The following RGS6 variants were observed in gnomAD, a reference collection of about 807,000 sequenced individuals.
RGS6 encodes the protein regulator of G protein signaling 6.
RGS6 carries 30 observed loss-of-function variants against 78.5 expected under a neutral mutation model. The observed-to-expected ratio is 0.38, with a 90% confidence interval of 0.29 to 0.52. The LOEUF is 0.52. RGS6 is among the 20% of genes least tolerant of loss of function. The probability of loss-of-function intolerance (pLI) is 0.85; values close to 1 mark genes in which losing one functional copy is unlikely to be tolerated. For synonymous variants in RGS6, 206 were observed against 206.0 expected, an observed-to-expected ratio of 1.00 and a Z score of 0.00; for missense variants, 495 against 609.7, an observed-to-expected ratio of 0.81 and a Z score of 1.98.
chr14:72,529,770 T>C (rs530938185), intron 15 of RGS6, among the ~76,000 whole-genome samples: 10 of 152,226 alleles, frequency 6.6e-5, no homozygotes, highest in Non-Finnish European at 1.3e-4. Flanking sequence ...TGTAGCAGGA[T>C]AGGTCATCCC....
Position 72,547,112 on chromosome 14 carries a change from G to C in RGS6, c.1422+7018G>C, listed in dbSNP as rs111781465. On this transcript the variant is annotated intron_variant, in intron 17 of 17. Transcript: ENST00000553525. ...CAGGGCCCCCCGCAGGATAAACAGCGGGAAGGCCGACCACTCAGAAGACAG... is the reference window on the plus strand; with the variant it reads ...CAGGGCCCCCCGCAGGATAAACAGCCGGAAGGCCGACCACTCAGAAGACAG... 75 of 1,493,384 alleles carry C rather than the reference G, an allele frequency of 5.0e-5. 1 individual carries two copies. The African/African-American group carries it at 6.8e-4, about 14-fold the overall frequency. The allele number at this position is 1,493,384 out of a possible 1,614,324, so 92.5% of individuals were successfully genotyped here. A position where few individuals can be genotyped will look rare whatever the true frequency, so the allele number is the denominator to read the frequency against.
chr14:72,392,161 A>AAT (rs1279123962), intron 3 of RGS6, among the ~76,000 whole-genome samples: 1 of 150,880 alleles, frequency 6.6e-6, no homozygotes, highest in Non-Finnish European at 1.5e-5. Context: ...GACTTTGACA[A>AAT]ATATATATAT....
At chr14:72,207,098 A>G (rs1224814612) in intron 2 of RGS6, among the ~76,000 whole-genome samples, 1 of 152,170 alleles carries the variant, frequency 6.6e-6, no homozygotes, top group East Asian at 1.9e-4. Context: ...TAACATATTT[A>G]TTTTTAAGCA....
chr14:72,441,868 G>A (rs1362273401), intron 3 of RGS6, among the ~76,000 whole-genome samples: 1 of 152,214 alleles, frequency 6.6e-6, no homozygotes, highest in African/African-American at 2.4e-5. Context: ...AGGGATGGGG[G>A]CTGCCAACTG....
chr14:72,503,163 C>T (rs942888692), intron 13 of RGS6, among the ~76,000 whole-genome samples: 7 of 152,068 alleles, frequency 4.6e-5, no homozygotes, highest in Admixed American at 6.6e-5. Flanking sequence ...CTGGGGTGTC[C>T]TTTTATAAGG....
At chr14:72,140,434 CA>C (rs1466352224) in intron 2 of RGS6, among the ~76,000 whole-genome samples, 8 of 152,144 alleles carry the variant, frequency 5.3e-5, no homozygotes, top group African/African-American at 1.9e-4. Context: ...GGAATTGACA[CA>C]AGATGTTAAT....
intron 17 of RGS6, among the ~76,000 whole-genome samples, chr14:72,555,735 G>A (rs2097565460): frequency 1.3e-5 from 2 of 152,250 alleles, no homozygotes; most frequent in Non-Finnish European, 1.5e-5. Flanking sequence ...TTCCTTGTTC[G>A]TTTAGTGGAG....
At chr14:72,328,689 A>C (rs1445588036) in intron 2 of RGS6, among the ~76,000 whole-genome samples, 1 of 152,192 alleles carries the variant, frequency 6.6e-6, no homozygotes, top group East Asian at 1.9e-4. Flanking sequence ...ACGTACCCCA[A>C]ACCAACAGAG....
intron 2 of RGS6, among the ~76,000 whole-genome samples, chr14:72,083,568 G>C (rs1327990272): frequency 6.6e-6 from 1 of 152,318 alleles, no homozygotes; most frequent in East Asian, 1.9e-4. Flanking sequence ...CACTGGGAAT[G>C]CCCACTGCCA....
At chr14:72,174,583 A>G (rs1199744708) in intron 2 of RGS6, among the ~76,000 whole-genome samples, 1 of 152,132 alleles carries the variant, frequency 6.6e-6, no homozygotes, top group African/African-American at 2.4e-5. Flanking sequence ...TCCTAGAAAG[A>G]CCACTTGCCA....
chr14:72,329,450 G>A (rs923935183), intron 2 of RGS6, among the ~76,000 whole-genome samples: 6 of 152,244 alleles, frequency 3.9e-5, no homozygotes, highest in South Asian at 2.1e-4. Flanking sequence ...GAGTGGTTGT[G>A]GAAAGCACAG....
chr14:71,931,314 C>T (rs1244117606), upstream of RGS6, among the ~76,000 whole-genome samples: 2 of 151,978 alleles, frequency 1.3e-5, no homozygotes, highest in Non-Finnish European at 2.9e-5. Context: ...GTGTGTTATC[C>T]CATTCGACGT....
At chr14:72,174,028 G>A (rs979908081) in intron 2 of RGS6, among the ~76,000 whole-genome samples, 1 of 152,154 alleles carries the variant, frequency 6.6e-6, no homozygotes, top group Non-Finnish European at 1.5e-5. Flanking sequence ...GGGGCAAGAA[G>A]CTGTATGGTG....
At chr14:72,083,744 T>A (rs1013149670) in intron 2 of RGS6, among the ~76,000 whole-genome samples, 1 of 152,198 alleles carries the variant, frequency 6.6e-6, no homozygotes, top group South Asian at 2.1e-4. Context: ...ATAATTCTAA[T>A]GAATTTGAGA....
At chr14:72,364,866 C>G (rs575711766) in intron 3 of RGS6, among the ~76,000 whole-genome samples, 24 of 152,342 alleles carry the variant, frequency 1.6e-4, no homozygotes, top group African/African-American at 5.8e-4. Flanking sequence ...TGTCCCAGTG[C>G]ATCCAAGACT....
At chr14:71,960,466 T>C (rs1364015832) in intron 1 of RGS6, among the ~76,000 whole-genome samples, 2 of 152,230 alleles carry the variant, frequency 1.3e-5, no homozygotes, top group Non-Finnish European at 2.9e-5. Flanking sequence ...CACTGCATCC[T>C]GGTGGAATTT....
At chr14:72,241,034 G>A (rs1037778196) in intron 2 of RGS6, among the ~76,000 whole-genome samples, 4 of 151,578 alleles carry the variant, frequency 2.6e-5, no homozygotes, top group African/African-American at 9.7e-5. Flanking sequence ...GCATGCACCT[G>A]TAATCCCAGA....
rs1014779473 is a variant in RGS6, at chr14:72,522,047, T to C, written c.1278+3510T>C. On this transcript the variant is annotated intron_variant, in intron 15 of 17. Coordinates refer to ENST00000553525, the MANE Select transcript of RGS6 (RefSeq NM_001204424.2). ...TTCTTCCTTGATTTATGTGTGTAGC[T>C]ACGTGTAAGGTCTGCTCAGGCTGCT... Among the ~76,000 whole-genome samples, 3 of 152,220 alleles carry C rather than the reference T, an allele frequency of 2.0e-5. No individual in the cohort carries two copies. In the South Asian group the frequency reaches 6.2e-4, roughly 32 times the overall value.
intron 1 of RGS6, among the ~76,000 whole-genome samples, chr14:71,940,321 C>T (rs999138105): frequency 3.3e-5 from 5 of 152,180 alleles, no homozygotes; most frequent in Non-Finnish European, 5.9e-5. Flanking sequence ...TGGAGTCCTT[C>T]CTTAAGGGGA....
Sources: gnomAD v4.1 joint callset for allele counts (sites outside exome capture counted in the v4.1 genomes callset) on GRCh38, gnomAD v4.1.1 for gene constraint, MANE v1.5 for transcripts, NCBI Gene and HGNC (gene_info 2026-07-23, HGNC 2026-07-21) for gene names.